ZNF175: variants seen among roughly 807,000 people sequenced by gnomAD.
ZNF175 encodes zinc finger protein OTK18.
Under a neutral mutation model 14.0 loss-of-function variants are expected in ZNF175, and 8 were observed. The observed-to-expected ratio is 0.57, with a 90% CI of 0.34 to 1.03. The LOEUF (loss-of-function observed/expected upper bound fraction) is 1.03. ZNF175 is among the 50% of genes least tolerant of loss of function. ZNF175 has a pLI of 0.03. For synonymous variants in ZNF175, 255 were observed against 296.8 expected (o/e 0.86, Z 1.45); for missense variants, 764 against 849.5 (o/e 0.90, Z 1.25).
chr19:51,579,350 G>C (rs1981920097), intron 2 of ZNF175, among the ~76,000 whole-genome samples: 1 of 152,058 alleles, frequency 6.6e-6, no homozygotes, highest in South Asian at 2.1e-4. Context: ...GAGTCTGAGA[G>C]GCAGAGGCTG....
chr19:51,587,323 G>C lies in ZNF175; in HGVS notation c.992G>C (p.Gly331Ala), dbSNP rs560989082. The change falls in exon 5 of 5, where the codon GGT becomes GCT. Residue 331 changes from glycine (G) to alanine (A), a missense_variant. Transcript: ENST00000262259. ...KLSVYLTDHT[G>A]DIPCICKECG... is the part of the protein sequence containing the mutation. The stretch of plus-strand genomic sequence containing the variant: ...AGTGTATATCTGACAGATCATACAG[G>C]TGATATACCCTGTATATGCAAGGAA... 1 of 1,614,196 alleles carries C rather than the reference G, an allele frequency of 6.2e-7. No individual in the cohort carries two copies. Among genetic ancestry groups the C allele is most frequent in the East Asian group, 2.2e-5 (1 of 44,880 alleles).
Position 51,581,899 on chromosome 19 carries a change from C to A in ZNF175, c.295+17C>A. The stretch of plus-strand genomic sequence containing the variant: ...GGTGTCAAGGTGAGTAAGTTGTACC[C>A]GGGCAAATGTAGATATCTTTGCAGG... On this transcript the variant is annotated intron_variant, in intron 4 of 4. Coordinates refer to ENST00000262259, the MANE Select transcript of ZNF175 (RefSeq NM_007147.4). The A allele has an allele frequency of 6.2e-7, 1 of 1,606,924 alleles. No individual in the cohort carries two copies. The highest frequency in any genetic ancestry group is 2.2e-5 in the East Asian group (1 of 44,826).
chr19:51,580,441 G>A (rs917602001), intron 2 of ZNF175, among the ~76,000 whole-genome samples: 3 of 152,264 alleles, frequency 2.0e-5, no homozygotes, highest in Middle Eastern at 3.4e-3. Context: ...ATCAGTAACA[G>A]TGACATTTTT....
chr19:51,589,616 A>G lies in ZNF175; in HGVS notation c.*1149A>G. The G allele has an allele frequency of 1.4e-6, 1 of 700,958 alleles. No individual in the cohort carries two copies. Among genetic ancestry groups the G allele is most frequent in the Non-Finnish European group, 2.6e-6 (1 of 384,464 alleles). 43.4% of individuals were successfully genotyped at this position (700,958 alleles called of 1,614,324 possible). A position where few individuals can be genotyped will look rare whatever the true frequency, so the allele number is the denominator to read the frequency against. ...GTGAGCCTCTCCATAATTAGTGCCA[A>G]CCATTAGTCTCGTTCATATTTTTAC... On this transcript the variant is annotated 3_prime_UTR_variant, in exon 5 of 5. Coordinates refer to ENST00000262259, the MANE Select transcript of ZNF175 (RefSeq NM_007147.4).
chr19:51,588,824 T>C lies in ZNF175; in HGVS notation c.*357T>C. 3 of 406,130 alleles carry C rather than the reference T, an allele frequency of 7.4e-6. No individual in the cohort carries two copies. The highest frequency in any genetic ancestry group is 1.3e-5 in the Non-Finnish European group (3 of 230,294). 25.2% of individuals were successfully genotyped at this position (406,130 alleles called of 1,614,324 possible). A position where few individuals can be genotyped will look rare whatever the true frequency, so the allele number is the denominator to read the frequency against. On this transcript the variant is annotated 3_prime_UTR_variant, in exon 5 of 5. Coordinates refer to ENST00000262259, the MANE Select transcript of ZNF175 (RefSeq NM_007147.4). Reference sequence around the variant, plus strand: ...TTATAGTAAAATATGTGGGAAATTATATCAATGATAACCCTGTTTATTGTG... The same window carrying C: ...TTATAGTAAAATATGTGGGAAATTACATCAATGATAACCCTGTTTATTGTG...
At chr19:51,579,965 AATATAGAATATTCAAT>A (rs1419492324) in intron 2 of ZNF175, among the ~76,000 whole-genome samples, 1 of 152,102 alleles carries the variant, frequency 6.6e-6, no homozygotes, top group African/African-American at 2.4e-5. Flanking sequence ...TAAAATATTG[AATATAGAATATTCAAT>A]ATATAGAATA....
chr19:51,585,057 A>G (rs1268475612), intron 4 of ZNF175, among the ~76,000 whole-genome samples: 1 of 152,238 alleles, frequency 6.6e-6, no homozygotes, highest in Non-Finnish European at 1.5e-5. Context: ...ACTATTCACA[A>G]TATCCAAAAA....
chr19:51,581,218 G>A, intron 2 of ZNF175, 173 bp from the exon 3 acceptor site: 1 of 921,932 alleles, frequency 1.1e-6, no homozygotes, highest in South Asian at 1.7e-5. Context: ...AGTGGATGGA[G>A]GATATTTCTC....
chr19:51,576,894 T>C lies in ZNF175; in HGVS notation c.72+3493T>C, dbSNP rs532053168. 1.7e-3 allele frequency among the ~76,000 whole-genome samples: 258 copies of C among 152,270 alleles called. 1 individual carries two copies. Among genetic ancestry groups the C allele is most frequent in the African/African-American group, 5.9e-3 (245 of 41,556 alleles). On this transcript the variant is annotated intron_variant, in intron 2 of 4. Transcript: ENST00000262259. ...GGGGACGGTACACGGCAGTAAATCCTGTGAGAACTTATCTGAACATGTCTG... is the reference window on the plus strand; with the variant it reads ...GGGGACGGTACACGGCAGTAAATCCCGTGAGAACTTATCTGAACATGTCTG...
At chr19:51,572,857 C>G (rs1219379329) in intron 1 of ZNF175, among the ~76,000 whole-genome samples, 1 of 152,228 alleles carries the variant, frequency 6.6e-6, no homozygotes, top group Non-Finnish European at 1.5e-5. Flanking sequence ...TGACAAGCTT[C>G]ATCTTGGTTA....
chr19:51,572,084 G>C (rs1309676192), intron 1 of ZNF175, among the ~76,000 whole-genome samples: 2 of 152,184 alleles, frequency 1.3e-5, no homozygotes, highest in Non-Finnish European at 2.9e-5. Flanking sequence ...ATTGACAGTT[G>C]AGCACATCGA....
In ZNF175 at chr19:51,588,533, T is replaced by C; in HGVS notation, c.*66T>C. 1 of 1,477,746 alleles carries C rather than the reference T, an allele frequency of 6.8e-7. No individual in the cohort carries two copies. Among genetic ancestry groups the C allele is most frequent in the Non-Finnish European group, 9.0e-7 (1 of 1,117,196 alleles). 91.5% of individuals were successfully genotyped at this position (1,477,746 alleles called of 1,614,324 possible). A position where few individuals can be genotyped will look rare whatever the true frequency, so the allele number is the denominator to read the frequency against. ...CGAGTTTCTTGAAGAAGAGAAAATCTTCTCAGAATCAGGTCTAATTATATG... is the reference window on the plus strand; with the variant it reads ...CGAGTTTCTTGAAGAAGAGAAAATCCTCTCAGAATCAGGTCTAATTATATG... On this transcript the variant is annotated 3_prime_UTR_variant, in exon 5 of 5. Coordinates refer to ENST00000262259, the MANE Select transcript of ZNF175 (RefSeq NM_007147.4).
rs1982277762 is a variant in ZNF175, at chr19:51,589,254, A to G, written c.*787A>G. On this transcript the variant is annotated 3_prime_UTR_variant, in exon 5 of 5. Transcript: ENST00000262259. The stretch of plus-strand genomic sequence containing the variant: ...GACATATGTATATGGTCTGGTCAGC[A>G]TATGTGTATGTATGCGTATGTATGT... 2.5e-6 allele frequency: 1 copy of G among 403,498 alleles called. No homozygotes were observed. The allele number at this position is 403,498 out of a possible 1,614,324, so 25.0% of individuals were successfully genotyped here.
rs1246783486 is a variant in ZNF175, at chr19:51,587,932, G to A, written c.1601G>A (p.Ser534Asn). The A allele has an allele frequency of 6.2e-7, 1 of 1,614,200 alleles. No homozygotes were observed. The highest frequency in any genetic ancestry group is 2.2e-5 in the East Asian group (1 of 44,890). ...IHTGERHHVC[S>N]ECGKAFNQKS... ...ACTGGAGAAAGACACCATGTATGCA[G>A]TGAATGCGGGAAAGCCTTCAACCAG... The change falls in exon 5 of 5, where the codon AGT (serine) becomes AAT (asparagine). Residue 534 changes from serine to asparagine, a missense_variant. Ser to Asn is a conservative substitution (Grantham distance 46, BLOSUM62 1). Transcript: ENST00000262259.
At chr19:51,581,656 G>A in intron 3 of ZNF175, 131 bp from the exon 4 acceptor site, 2 of 1,511,372 alleles carry the variant, frequency 1.3e-6, no homozygotes, top group Non-Finnish European at 1.8e-6. Flanking sequence ...TTTCTTTTGG[G>A]CACCTTCTAG....
In ZNF175 at chr19:51,585,541, A is replaced by T. The variant is rs139399391; in HGVS notation, c.296-1086A>T. ...TTTTTTAAAAAAAGAATGAAAGATG[A>T]TTGAGTTTTTTTGATAGGACAAGAG... On this transcript the variant is annotated intron_variant, in intron 4 of 4. Coordinates refer to ENST00000262259, the MANE Select transcript of ZNF175 (RefSeq NM_007147.4). Among the ~76,000 whole-genome samples the T allele has an allele frequency of 3.5e-3, 536 of 152,338 alleles. 7 individuals carry two copies. Among genetic ancestry groups the T allele is most frequent in the African/African-American group, 0.012 (494 of 41,572 alleles).
chr19:51,589,265 T>C lies in ZNF175; in HGVS notation c.*798T>C. On this transcript the variant is annotated 3_prime_UTR_variant, in exon 5 of 5. Coordinates refer to ENST00000262259, the MANE Select transcript of ZNF175 (RefSeq NM_007147.4). ...ATGGTCTGGTCAGCATATGTGTATG[T>C]ATGCGTATGTATGTATGTATGTATG... The C allele has an allele frequency of 5.3e-6, 2 of 373,900 alleles. No individual in the cohort carries two copies. The highest frequency in any genetic ancestry group is 9.0e-6 in the Non-Finnish European group (2 of 221,510). The allele number at this position is 373,900 out of a possible 1,614,324, so 23.2% of individuals were successfully genotyped here.
At position 51,571,401 on chromosome 19, in the gene ZNF175, G is replaced by A. The variant is rs1981579810; in HGVS notation, c.-255G>A. The A allele has an allele frequency of 6.6e-6, 1 of 151,908 alleles. No homozygotes were observed. The highest frequency in any genetic ancestry group is 6.6e-5 in the Admixed American group (1 of 15,226). The allele number at this position is 151,908 out of a possible 1,614,324, so 9.4% of individuals were successfully genotyped here. A position where few individuals can be genotyped will look rare whatever the true frequency, so the allele number is the denominator to read the frequency against. ...GGTCAGGAAGGGGCGGCTGGCTTTG[G>A]GGGAGTGATGAGGGGCTTGTTGGGG... On this transcript the variant is annotated 5_prime_UTR_variant, in exon 1 of 5. Transcript: ENST00000262259.
chr19:51,578,703 G>T (rs549122549), intron 2 of ZNF175, among the ~76,000 whole-genome samples: 1 of 152,308 alleles, frequency 6.6e-6, no homozygotes, highest in Non-Finnish European at 1.5e-5. Flanking sequence ...GGAGGTCGAG[G>T]CTGCAGTGAG....
Sources: gnomAD v4.1 joint callset for allele counts (sites outside exome capture counted in the v4.1 genomes callset) on GRCh38, gnomAD v4.1.1 for gene constraint, MANE v1.5 for transcripts, NCBI Gene and HGNC (gene_info 2026-07-23, HGNC 2026-07-21) for gene names.